The following IGSF11 variants were observed in gnomAD, a reference collection of about 807,000 sequenced individuals.
IGSF11 encodes the protein immunoglobulin superfamily member 11, also known as CXADR like 1.
A neutral mutation model predicts 41.0 loss-of-function variants in IGSF11; 22 were observed. That is an observed-to-expected ratio of 0.54 (90% CI 0.38 to 0.77). IGSF11 has a LOEUF of 0.77. IGSF11 is among the 30% of genes least tolerant of loss of function. The pLI is 0.00. For missense variants in IGSF11, 444 were observed against 530.8 expected (o/e 0.84, Z 1.61); for synonymous variants, 219 against 201.3 (o/e 1.09, Z -0.74).
intron 1 of IGSF11, among the ~76,000 whole-genome samples, chr3:119,125,918 C>T (rs895081332): frequency 2.0e-5 from 3 of 152,212 alleles, no homozygotes; most frequent in Non-Finnish European, 4.4e-5. Flanking sequence ...AGACCCCGCT[C>T]GCGAACCCAT....
intron 1 of IGSF11, among the ~76,000 whole-genome samples, chr3:119,133,808 T>C (rs1033422481): frequency 6.6e-6 from 1 of 152,172 alleles, no homozygotes; most frequent in African/African-American, 2.4e-5. Flanking sequence ...TTAACATCGA[T>C]GCGAAAATCT....
Position 118,993,449 on chromosome 3 carries a change from T to C in IGSF11, c.52+41082A>G, listed in dbSNP as rs143419632. Among the ~76,000 whole-genome samples, 337 of 152,314 alleles carry C rather than the reference T, an allele frequency of 2.2e-3. 1 individual carries two copies. Among genetic ancestry groups the C allele is most frequent in the African/African-American group, 7.5e-3 (313 of 41,570 alleles). The stretch of plus-strand genomic sequence containing the variant: ...GAGTGCAGTCACTTTGGAAAACAGT[T>C]TGGCGATTAAACAGAGTTGCCAATT... On this transcript the variant is annotated intron_variant, in intron 1 of 6. Transcript: ENST00000393775.
chr3:118,924,977 A>C (rs1374613616), intron 4 of IGSF11, among the ~76,000 whole-genome samples: 2 of 152,232 alleles, frequency 1.3e-5, no homozygotes, highest in African/African-American at 4.8e-5. Context: ...TGAGATTGAC[A>C]AATCATTCCA....
chr3:119,072,027 C>T (rs1350765467), intron 1 of IGSF11, among the ~76,000 whole-genome samples: 1 of 152,074 alleles, frequency 6.6e-6, no homozygotes, highest in Non-Finnish European at 1.5e-5. Flanking sequence ...AAGTCTTGCA[C>T]AGGAATAAAA....
chr3:119,132,492 T>A (rs2077498399), intron 1 of IGSF11, among the ~76,000 whole-genome samples: 1 of 149,938 alleles, frequency 6.7e-6, no homozygotes, highest in African/African-American at 2.5e-5. Flanking sequence ...TTGCGTAATA[T>A]TAAAGGGATC....
intron 1 of IGSF11, among the ~76,000 whole-genome samples, chr3:118,933,489 T>TAC (rs36105810): frequency 0.096 from 14,322 of 148,688 alleles, 796 homozygotes; most frequent in East Asian, 0.16. Flanking sequence ...TATATATATA[T>TAC]ACACACACAC....
intron 1 of IGSF11, among the ~76,000 whole-genome samples, chr3:119,131,882 G>C (rs1316706986): frequency 6.6e-6 from 1 of 152,220 alleles, no homozygotes; most frequent in Admixed American, 6.5e-5. Context: ...CCAGAAGAGA[G>C]TGAGGGCCAA....
chr3:118,930,564 C>T (rs928803512), intron 1 of IGSF11, among the ~76,000 whole-genome samples: 3 of 152,212 alleles, frequency 2.0e-5, no homozygotes, highest in African/African-American at 7.2e-5. Flanking sequence ...ATGAATTCAA[C>T]TGATGGGGTT....
At chr3:118,908,949 T>C (rs571814573) in intron 4 of IGSF11, among the ~76,000 whole-genome samples, 63 of 152,326 alleles carry the variant, frequency 4.1e-4, no homozygotes, top group Non-Finnish European at 7.8e-4. Flanking sequence ...AGTTTCCTCA[T>C]CTGTAATATG....
chr3:118,952,249 A>T (rs1454443541), intron 1 of IGSF11, among the ~76,000 whole-genome samples: 1 of 152,172 alleles, frequency 6.6e-6, no homozygotes, highest in Admixed American at 6.5e-5. Flanking sequence ...CTGCTGAATG[A>T]TCAGGTTAAT....
At chr3:119,107,558 G>C (rs1023110026), upstream of IGSF11, among the ~76,000 whole-genome samples, 36 of 152,068 alleles carry the variant, frequency 2.4e-4, no homozygotes, top group Non-Finnish European at 3.7e-4. Flanking sequence ...TCTGATGGTA[G>C]TTTCTTTTGC....
intron 1 of IGSF11, among the ~76,000 whole-genome samples, chr3:119,029,307 C>A (rs1309946617): frequency 6.7e-6 from 1 of 150,052 alleles, no homozygotes; most frequent in Non-Finnish European, 1.5e-5. Flanking sequence ...AGAGAGAGAG[C>A]GGGCAAGCAC....
intron 1 of IGSF11, chr3:119,013,182 G>T: frequency 6.6e-6 from 1 of 152,286 alleles, no homozygotes; most frequent in Non-Finnish European, 1.5e-5. Context: ...TCACATCTTG[G>T]AGGATAAACA....
chr3:119,139,107 T>C (rs2077603807), intron 1 of IGSF11, among the ~76,000 whole-genome samples: 1 of 152,158 alleles, frequency 6.6e-6, no homozygotes, highest in Non-Finnish European at 1.5e-5. Context: ...TGCATACTTG[T>C]ATCAAAATAT....
chr3:119,042,299 C>A (rs1941146665), intron 1 of IGSF11, among the ~76,000 whole-genome samples: 1 of 152,204 alleles, frequency 6.6e-6, no homozygotes, highest in South Asian at 2.1e-4. Context: ...CATTGGAGTG[C>A]TCAGTGGGCA....
chr3:118,977,215 T>C (rs1934210325), intron 1 of IGSF11, among the ~76,000 whole-genome samples: 1 of 152,190 alleles, frequency 6.6e-6, no homozygotes, highest in South Asian at 2.1e-4. Flanking sequence ...ATTTGGACAC[T>C]CCTGGGAGGG....
At chr3:119,125,633 T>A (rs998990047) in intron 1 of IGSF11, among the ~76,000 whole-genome samples, 2 of 152,266 alleles carry the variant, frequency 1.3e-5, no homozygotes, top group Middle Eastern at 3.4e-3. Flanking sequence ...CACGATGGCC[T>A]GACCATGGTG....
chr3:118,924,488 C>T (rs1942113800), intron 4 of IGSF11, among the ~76,000 whole-genome samples: 1 of 151,996 alleles, frequency 6.6e-6, no homozygotes, highest in Non-Finnish European at 1.5e-5. Context: ...ATTTAATGTA[C>T]ATGATTAATA....
At chr3:119,006,460 A>T (rs1293414825) in intron 1 of IGSF11, among the ~76,000 whole-genome samples, 2 of 125,082 alleles carry the variant, frequency 1.6e-5, no homozygotes, top group Non-Finnish European at 3.2e-5. Flanking sequence ...TTCTTCTCTC[A>T]GCTCGTCAAA....
Sources: gnomAD v4.1 joint callset for allele counts (sites outside exome capture counted in the v4.1 genomes callset) on GRCh38, gnomAD v4.1.1 for gene constraint, MANE v1.5 for transcripts, NCBI Gene and HGNC (gene_info 2026-07-23, HGNC 2026-07-21) for gene names.